BIVM: variants seen among roughly 807,000 people sequenced by gnomAD.
BIVM encodes the protein basic immunoglobulin-like variable motif-containing protein.
In BIVM, 31 loss-of-function variants were observed where a neutral mutation model predicts 61.4. That is an observed-to-expected ratio of 0.51 (90% CI 0.38 to 0.68). BIVM has a LOEUF of 0.68. Among genes scored for constraint, BIVM ranks in the 30% least tolerant of loss-of-function variants. The pLI is 0.00. For synonymous variants in BIVM, 189 were observed against 210.7 expected (o/e 0.90, Z 0.89); for missense variants, 526 against 596.0 (o/e 0.88, Z 1.22).
intron 8 of BIVM, among the ~76,000 whole-genome samples, chr13:102,833,327 G>GTTTTTTTTTT (rs532303115): frequency 0.03 from 2,348 of 79,480 alleles, 558 homozygotes; most frequent in Middle Eastern, 0.047. Context: ...GATAGGATGG[G>GTTTTTTTTTT]TTTTTTTTTT....
chr13:102,804,160 G>A (rs974625290), intron 1 of BIVM, among the ~76,000 whole-genome samples: 6 of 152,066 alleles, frequency 3.9e-5, no homozygotes, highest in Non-Finnish European at 7.4e-5. Context: ...TTGTTTGTTC[G>A]TTTCGAGACA....
chr13:102,803,132 A>T (rs1878849738), intron 1 of BIVM, among the ~76,000 whole-genome samples: 1 of 149,730 alleles, frequency 6.7e-6, no homozygotes. Flanking sequence ...AGACCAGCCT[A>T]GGCAACATAG....
At chr13:102,813,096 T>C (rs1383047114) in intron 3 of BIVM, among the ~76,000 whole-genome samples, 1 of 152,234 alleles carries the variant, frequency 6.6e-6, no homozygotes, top group Non-Finnish European at 1.5e-5. Flanking sequence ...GAATAGACTC[T>C]GGAATTCCAA....
intron 10 of BIVM, 151 bp downstream of exon 10, chr13:102,838,890 C>A: frequency 1.5e-6 from 1 of 656,076 alleles, no homozygotes; most frequent in Non-Finnish European, 2.4e-6. Context: ...CTTTAAAACC[C>A]AAGGGCAAGG....
chr13:102,827,649 G>C (rs142752544), intron 7 of BIVM, among the ~76,000 whole-genome samples: 1 of 152,110 alleles, frequency 6.6e-6, no homozygotes, highest in Non-Finnish European at 1.5e-5. Flanking sequence ...AATTCCTCTA[G>C]TACTGATTTT....
intron 1 of BIVM, 99 bp downstream of exon 1, chr13:102,799,620 G>C (rs949717682): frequency 1.3e-5 from 2 of 152,336 alleles, no homozygotes; most frequent in African/African-American, 4.8e-5. Context: ...AGCCCGGCCT[G>C]CTGCCGCTCT....
At chr13:102,808,011 A>C (rs1387747844) in intron 3 of BIVM, among the ~76,000 whole-genome samples, 1 of 152,248 alleles carries the variant, frequency 6.6e-6, no homozygotes, top group African/African-American at 2.4e-5. Context: ...AAAATATTAT[A>C]AACAGATGGT....
intron 3 of BIVM, among the ~76,000 whole-genome samples, chr13:102,812,550 G>A (rs753764514): frequency 1.7e-4 from 26 of 152,048 alleles, no homozygotes; most frequent in Admixed American, 3.9e-4. Context: ...ATTGCTATAG[G>A]CTGTTTCTAT....
At chr13:102,802,317 C>G (rs896266353) in intron 1 of BIVM, among the ~76,000 whole-genome samples, 2 of 152,228 alleles carry the variant, frequency 1.3e-5, no homozygotes, top group Middle Eastern at 3.4e-3. Context: ...TTTAAGAAAG[C>G]TAGAATCTGA....
chr13:102,827,274 AC>A (rs1168237193), intron 7 of BIVM, among the ~76,000 whole-genome samples: 1 of 97,272 alleles, frequency 1.0e-5, no homozygotes, highest in Non-Finnish European at 1.9e-5. Context: ...GGTCCCAATG[AC>A]TTTTTTTTTT....
intron 7 of BIVM, among the ~76,000 whole-genome samples, chr13:102,823,488 T>G (rs1218819755): frequency 1.3e-5 from 2 of 152,170 alleles, no homozygotes; most frequent in East Asian, 3.9e-4. Context: ...TGTTACAGAG[T>G]AAGGACTCAG....
At chr13:102,822,410 C>G (rs1202961416) in intron 7 of BIVM, among the ~76,000 whole-genome samples, 3 of 152,198 alleles carry the variant, frequency 2.0e-5, no homozygotes, top group Non-Finnish European at 4.4e-5. Context: ...AAACACTACT[C>G]TAACACATTG....
chr13:102,831,179 A>G (rs959239692), intron 7 of BIVM, among the ~76,000 whole-genome samples: 2 of 152,202 alleles, frequency 1.3e-5, no homozygotes, highest in Admixed American at 6.5e-5. Flanking sequence ...TATATACTTT[A>G]TAAATGCATG....
chr13:102,833,341 T>TTTTTTTTTTTTTTTTTTTG, intron 8 of BIVM, among the ~76,000 whole-genome samples: 1 of 141,396 alleles, frequency 7.1e-6, no homozygotes, highest in Non-Finnish European at 1.6e-5. Context: ...TTTTTTTTTT[T>TTTTTTTTTTTTTTTTTTTG]TTTTGAGACA....
At chr13:102,802,549 A>G (rs1414097541) in intron 1 of BIVM, among the ~76,000 whole-genome samples, 3 of 152,196 alleles carry the variant, frequency 2.0e-5, no homozygotes, top group African/African-American at 4.8e-5. Context: ...AAATTTACAT[A>G]TAGTTTCCAA....
chr13:102,807,276 C>T lies in BIVM; in HGVS notation c.9C>T (p.Asn3=), dbSNP rs764158281. The change falls in exon 3 of 11, where the codon AAC becomes AAT. Residue 3 remains asparagine, a synonymous_variant. Coordinates refer to ENST00000257336, the MANE Select transcript of BIVM (RefSeq NM_017693.4). The surrounding 1 kb of genome is among the most constrained non-coding windows in gnomAD (Gnocchi z 4.0). MP[N]VAETERSNDS... is the part of the protein sequence containing the mutation. ...CTTTTACACTGCATTCAATGCCTAA[C>T]GTTGCAGAAACAGAAAGGTCAAATG... The T allele has an allele frequency of 1.0e-5, 16 of 1,604,734 alleles. No individual in the cohort carries two copies. The highest frequency in any genetic ancestry group is 3.3e-5 in the South Asian group (3 of 90,316).
chr13:102,820,649 A>T (rs1271773886), intron 4 of BIVM: 3 of 192,732 alleles, frequency 1.6e-5, no homozygotes, highest in Non-Finnish European at 3.1e-5. Flanking sequence ...GTTTGGGTTG[A>T]AGAATCTCTC....
At chr13:102,832,986 G>A (rs1156307449) in intron 8 of BIVM, among the ~76,000 whole-genome samples, 1 of 152,024 alleles carries the variant, frequency 6.6e-6, no homozygotes, top group Non-Finnish European at 1.5e-5. Flanking sequence ...GAATTGGTGG[G>A]TGGGGTGCAG....
At chr13:102,800,168 T>C (rs913991696) in intron 1 of BIVM, among the ~76,000 whole-genome samples, 4 of 152,210 alleles carry the variant, frequency 2.6e-5, no homozygotes, top group African/African-American at 9.6e-5. Flanking sequence ...CAATTGTCAT[T>C]ATTAATGATA....
Sources: gnomAD v4.1 joint callset for allele counts (sites outside exome capture counted in the v4.1 genomes callset) on GRCh38, gnomAD v4.1.1 for gene constraint, Gnocchi (gnomAD v3.1) non-coding constraint, MANE v1.5 for transcripts, NCBI Gene and HGNC (gene_info 2026-07-23, HGNC 2026-07-21) for gene names.